DIPK1C: variants seen among roughly 807,000 people sequenced by gnomAD.
DIPK1C encodes the protein familial non-conventional Alzheimer's dementia.
Under a neutral mutation model 28.0 loss-of-function variants are expected in DIPK1C, and 33 were observed. The observed-to-expected ratio is 1.18, with a 90% confidence interval of 0.89 to 1.58. The LOEUF (loss-of-function observed/expected upper bound fraction) is 1.58. DIPK1C is among the 40% of genes most tolerant of loss of function. The pLI is 0.00. For missense variants in DIPK1C, 569 were observed against 568.5 expected, an observed-to-expected ratio of 1.00 and a Z score of -0.01; for synonymous variants, 255 against 248.8, an observed-to-expected ratio of 1.02 and a Z score of -0.23.
Position 74,442,115 on chromosome 18 carries a change from A to G in DIPK1C, c.878T>C (p.Val293Ala), listed in dbSNP as rs1986142102. 1 of 1,613,748 alleles carries G rather than the reference A, an allele frequency of 6.2e-7. No homozygotes were observed. Among genetic ancestry groups the G allele is most frequent in the Admixed American group, 1.7e-5 (1 of 59,938 alleles). The change falls in exon 3 of 4, where the codon GTG becomes GCG. Residue 293 changes from valine (V) to alanine (A), a missense_variant and splice_region_variant. Coordinates refer to ENST00000343998, the MANE Select transcript of DIPK1C (RefSeq NM_001044369.3). Reference protein sequence around the residue: ...ENFAIRSDFTVVAIDVDMAFF... With the variant: ...ENFAIRSDFTAVAIDVDMAFF... ...GGCCATGTCCACATCAATAGCCACCACCTGTAATCAAAACAGCACGGGGCT... is the reference window on the plus strand; with the variant it reads ...GGCCATGTCCACATCAATAGCCACCGCCTGTAATCAAAACAGCACGGGGCT...
chr18:74,458,740 A>G (rs1986572373), upstream of DIPK1C, among the ~76,000 whole-genome samples: 1 of 150,606 alleles, frequency 6.6e-6, no homozygotes, highest in Non-Finnish European at 1.5e-5. Context: ...CAGAAGTACC[A>G]TATTTTCACA....
In DIPK1C at chr18:74,447,049, C is replaced by T; in HGVS notation, c.433G>A (p.Ala145Thr). 1 of 1,549,622 alleles carries T rather than the reference C, an allele frequency of 6.5e-7. No individual in the cohort carries two copies. The highest frequency in any genetic ancestry group is 8.7e-7 in the Non-Finnish European group (1 of 1,146,534). Residue 145 changes from alanine (A) to threonine (T), a missense_variant, in exon 2 of 4, where the codon GCC becomes ACC. Transcript: ENST00000343998. The surrounding 1 kb of genome is among the most constrained non-coding windows in gnomAD (Gnocchi z 4.1). ...AGEGGQDMPE[A>T]ELLLMVAGEV... is the part of the protein sequence containing the mutation. ...CCAGCCACCATCAGGAGGAGTTCGG[C>T]CTCGGGCATGTCCTGGCCACCCTCC...
At chr18:74,449,761 T>TG (rs1568265066) in intron 1 of DIPK1C, among the ~76,000 whole-genome samples, 3 of 151,700 alleles carry the variant, frequency 2.0e-5, no homozygotes, top group Non-Finnish European at 4.4e-5. Context: ...ACCCACATCC[T>TG]TTAGGAAGTT....
At chr18:74,461,367 C>CCTTCCTTT (rs1568268280), upstream of DIPK1C, among the ~76,000 whole-genome samples, 1 of 143,266 alleles carries the variant, frequency 7.0e-6, no homozygotes, top group Non-Finnish European at 1.5e-5. Flanking sequence ...TTCCTTCCTT[C>CCTTCCTTT]CTTCCTTCCT....
chr18:74,438,863 TA>T (rs1986055770), intron 3 of DIPK1C, among the ~76,000 whole-genome samples: 3 of 152,122 alleles, frequency 2.0e-5, no homozygotes, highest in South Asian at 2.1e-4. Context: ...TAGTGAGGCA[TA>T]GGGGGGCTTG....
upstream of DIPK1C, among the ~76,000 whole-genome samples, chr18:74,462,525 TA>T (rs950249401): frequency 6.6e-6 from 1 of 152,240 alleles, no homozygotes; most frequent in African/African-American, 2.4e-5. Context: ...TTGGCTATTG[TA>T]CATAGTGCTG....
chr18:74,440,731 A>G (rs1986103720), intron 3 of DIPK1C, among the ~76,000 whole-genome samples: 1 of 152,224 alleles, frequency 6.6e-6, no homozygotes, highest in South Asian at 2.1e-4. Context: ...GTTACATTGC[A>G]AAGAGCAGGC....
At chr18:74,460,199 A>G (rs1986596188), upstream of DIPK1C, among the ~76,000 whole-genome samples, 1 of 152,194 alleles carries the variant, frequency 6.6e-6, no homozygotes, top group African/African-American at 2.4e-5. Flanking sequence ...CTTTCCAATT[A>G]CCCAAATGAT....
At position 74,457,140 on chromosome 18, in the gene DIPK1C, C is replaced by T; in HGVS notation, c.120G>A (p.Ala40=). 1 of 1,431,210 alleles carries T rather than the reference C, an allele frequency of 7.0e-7. No homozygotes were observed. Among genetic ancestry groups the T allele is most frequent in the Non-Finnish European group, 9.1e-7 (1 of 1,098,038 alleles). 88.7% of individuals were successfully genotyped at this position (1,431,210 alleles called of 1,614,324 possible). ...AWTAGWVLAA[A]LLLRAHPGVL... ...CACCCGGGTGCGCGCGGAGCAGCAG[C>T]GCGGCCGCCAGCACCCAGCCCGCGG... Residue 40 remains alanine, a synonymous_variant, in exon 1 of 4, where the codon GCG becomes GCA. Transcript: ENST00000343998.
At position 74,446,400 on chromosome 18, in the gene DIPK1C, G is replaced by A. The variant is rs181744249; in HGVS notation, c.876+206C>T. Among the ~76,000 whole-genome samples the A allele has an allele frequency of 5.6e-4, 85 of 152,330 alleles. 2 individuals are homozygous for A. The East Asian group carries it at 0.013, about 23-fold the overall frequency. ...GCCTCTGCCTCCCACTGTGGGCTCC[G>A]TTCATTCAGATTCTCACTGGAGATG... On this transcript the variant is annotated intron_variant, in intron 2 of 3. Transcript: ENST00000343998.
chr18:74,446,952 C>T lies in DIPK1C; in HGVS notation c.530G>A (p.Gly177Asp). ...SLGPWWPGRR[G>D]PRWRGQLASL... ...GGCCAGCTGTCCCCGCCAGCGTGGGCCCCGCCTGCCCGGCCACCACGGCCC... is the reference window on the plus strand; with the variant it reads ...GGCCAGCTGTCCCCGCCAGCGTGGGTCCCGCCTGCCCGGCCACCACGGCCC... Residue 177 changes from glycine to aspartate, a missense_variant, in exon 2 of 4, where the codon GGC (glycine) becomes GAC (aspartate). Gly to Asp is a moderately conservative substitution (Grantham distance 94). Transcript: ENST00000343998. The T allele has an allele frequency of 6.6e-7, 1 of 1,504,040 alleles. No homozygotes were observed. Among genetic ancestry groups the T allele is most frequent in the Non-Finnish European group, 8.9e-7 (1 of 1,121,208 alleles). The allele number at this position is 1,504,040 out of a possible 1,614,324, so 93.2% of individuals were successfully genotyped here.
At chr18:74,453,421 A>C (rs1172019778) in intron 1 of DIPK1C, among the ~76,000 whole-genome samples, 1 of 152,220 alleles carries the variant, frequency 6.6e-6, no homozygotes, top group African/African-American at 2.4e-5. Flanking sequence ...AATGTGGCCG[A>C]GCATTCAGGC....
At chr18:74,464,054 T>A in the DIPK1C span, among the ~76,000 whole-genome samples, 2 of 152,178 alleles carry the variant, frequency 1.3e-5, no homozygotes, top group Non-Finnish European at 2.9e-5. Flanking sequence ...TAAGAAGCCA[T>A]AGAGTCACAT....
upstream of DIPK1C, among the ~76,000 whole-genome samples, chr18:74,461,638 G>A (rs972915803): frequency 2.6e-5 from 4 of 151,878 alleles, no homozygotes; most frequent in African/African-American, 7.3e-5. Flanking sequence ...CATAGTTCTG[G>A]GGCTGCAGAT....
chr18:74,447,003 C>T lies in DIPK1C; in HGVS notation c.479G>A (p.Gly160Asp), dbSNP rs1317985716. 5 of 1,537,858 alleles carry T rather than the reference C, an allele frequency of 3.3e-6. No individual in the cohort carries two copies. The South Asian group carries it at 4.8e-5, about 15-fold the overall frequency. ...MVAGEVKSALGLELSNSSLGP... is the reference protein window; with the variant it reads ...MVAGEVKSALDLELSNSSLGP... ...CAGGCTGCTGTTGGACAACTCCAGG[C>T]CCAGAGCGCTCTTGACCTCCCCAGC... The change falls in exon 2 of 4, where the codon GGC becomes GAC. Residue 160 changes from glycine (G) to aspartate (D), a missense_variant. Physicochemically the swap from Gly to Asp is moderately conservative, Grantham distance 94. Transcript: ENST00000343998. The surrounding 1 kb of genome is among the most constrained non-coding windows in gnomAD (Gnocchi z 4.1).
upstream of DIPK1C, among the ~76,000 whole-genome samples, chr18:74,459,844 G>A (rs186356689): frequency 3.3e-5 from 5 of 152,230 alleles, no homozygotes; most frequent in Admixed American, 2.0e-4. Context: ...CTTGCACAGA[G>A]CTTCCTTGGG....
chr18:74,439,665 A>G (rs570846541), intron 3 of DIPK1C, among the ~76,000 whole-genome samples: 1 of 152,052 alleles, frequency 6.6e-6, no homozygotes, highest in Non-Finnish European at 1.5e-5. Flanking sequence ...AAAATAAATT[A>G]AAAAATTAGC....
Position 74,447,573 on chromosome 18 carries a change from G to A in DIPK1C, c.199-290C>T, listed in dbSNP as rs1986302582. Among the ~76,000 whole-genome samples the A allele has an allele frequency of 6.6e-6, 1 of 152,198 alleles. No homozygotes were observed. Among genetic ancestry groups the A allele is most frequent in the Non-Finnish European group, 1.5e-5 (1 of 68,032 alleles). The stretch of plus-strand genomic sequence containing the variant: ...AGCACGACTTCCCATCGTTCAGCTG[G>A]GTGACTCCGGGAAAGCCAGAGGCCA... On this transcript the variant is annotated intron_variant, in intron 1 of 3. Coordinates refer to ENST00000343998, the MANE Select transcript of DIPK1C (RefSeq NM_001044369.3). The surrounding 1 kb of genome is among the most constrained non-coding windows in gnomAD (Gnocchi z 4.1).
upstream of DIPK1C, among the ~76,000 whole-genome samples, chr18:74,459,215 T>G (rs1301049348): frequency 6.6e-6 from 1 of 152,262 alleles, no homozygotes; most frequent in African/African-American, 2.4e-5. Context: ...TGAAGCAGTG[T>G]GACTACTTAT....
Sources: gnomAD v4.1 joint callset for allele counts (sites outside exome capture counted in the v4.1 genomes callset) on GRCh38, gnomAD v4.1.1 for gene constraint, Gnocchi (gnomAD v3.1) non-coding constraint, MANE v1.5 for transcripts, NCBI Gene and HGNC (gene_info 2026-07-23, HGNC 2026-07-21) for gene names.